Variants in TFPI observed in about 807,000 individuals in gnomAD.
TFPI encodes tissue factor pathway inhibitor.
A neutral mutation model predicts 34.6 loss-of-function variants in TFPI; 15 were observed. The observed-to-expected ratio is 0.43, with a 90% confidence interval of 0.29 to 0.67. The LOEUF is 0.67. Among genes scored for constraint, TFPI ranks in the 30% least tolerant of loss-of-function variants. TFPI has a pLI of 0.15. For missense variants in TFPI, 301 were observed against 364.0 expected (o/e 0.83, Z 1.41); for synonymous variants, 105 against 120.1 (o/e 0.87, Z 0.82).
chr2:187,550,174 G>A (rs991282614), intron 1 of TFPI, among the ~76,000 whole-genome samples: 1 of 152,100 alleles, frequency 6.6e-6, no homozygotes, highest in African/African-American at 2.4e-5. Flanking sequence ...GAGATCTTCA[G>A]ATGGACTTCT....
At chr2:187,546,595 AAG>A (rs1688879531) in intron 1 of TFPI, 1 of 152,142 alleles carries the variant, frequency 6.6e-6, no homozygotes, top group Admixed American at 6.5e-5. Context: ...AGGAAAAAAA[AAG>A]AATAATATAT....
intron 1 of TFPI, among the ~76,000 whole-genome samples, chr2:187,535,942 A>C (rs186983439): frequency 6.6e-6 from 1 of 152,358 alleles, no homozygotes; most frequent in East Asian, 1.9e-4. Flanking sequence ...CCATCAGAGA[A>C]TACTATAAAA....
intron 1 of TFPI, among the ~76,000 whole-genome samples, chr2:187,507,429 T>C (rs1686301949): frequency 6.6e-6 from 1 of 152,166 alleles, no homozygotes; most frequent in African/African-American, 2.4e-5. Flanking sequence ...TGGTTCTAGA[T>C]CCTTGAGGAA....
In TFPI at chr2:187,503,859, A is replaced by AT; in HGVS notation, c.-2-90dup. On this transcript the variant is annotated intron_variant, in intron 1 of 7. Transcript: ENST00000233156. ...AGTAAACATCATATGTGTACCTCAT[A>AT]TGCAAATTTCTATGCCATTTTATGT... 2.1e-6 allele frequency: 3 copies of AT among 1,424,878 alleles called. No homozygotes were observed. The South Asian group carries it at 4.1e-5, about 20-fold the overall frequency. 88.3% of individuals were successfully genotyped at this position (1,424,878 alleles called of 1,614,324 possible). A position where few individuals can be genotyped will look rare whatever the true frequency, so the allele number is the denominator to read the frequency against.
At chr2:187,482,693 G>T (rs1160980005) in intron 6 of TFPI, among the ~76,000 whole-genome samples, 2 of 151,758 alleles carry the variant, frequency 1.3e-5, no homozygotes, top group Non-Finnish European at 2.9e-5. Flanking sequence ...AATTTTTTAA[G>T]ATCTCACATA....
rs1687772288 is a variant in TFPI, at chr2:187,528,153, C to T, written c.-2-24383G>A. 1.3e-5 allele frequency among the ~76,000 whole-genome samples: 2 copies of T among 152,064 alleles called. 1 individual carries two copies. The highest frequency in any genetic ancestry group is 4.1e-4 in the South Asian group (2 of 4,828). On this transcript the variant is annotated intron_variant, in intron 1 of 7. Coordinates refer to ENST00000233156, the MANE Select transcript of TFPI (RefSeq NM_006287.6). The stretch of plus-strand genomic sequence containing the variant: ...ATAAAGTACTTCTACATCACTCTAT[C>T]CACATATATAGGAATCTGGGTTTCA...
chr2:187,505,354 G>T (rs889365310), intron 1 of TFPI, among the ~76,000 whole-genome samples: 1 of 152,070 alleles, frequency 6.6e-6, no homozygotes, highest in African/African-American at 2.4e-5. Flanking sequence ...TTAGACTTTC[G>T]TTGGGTGCTA....
intron 3 of TFPI, 94 bp from the exon 4 acceptor site, chr2:187,488,469 A>G (rs1693454078): frequency 4.1e-6 from 3 of 739,352 alleles, no homozygotes; most frequent in Admixed American, 3.1e-5. Flanking sequence ...CATATTTATT[A>G]CCATTAAAAT....
At chr2:187,499,581 G>A (rs1042180594) in intron 2 of TFPI, 2 of 152,058 alleles carry the variant, frequency 1.3e-5, no homozygotes, top group African/African-American at 4.8e-5. Flanking sequence ...CCTAAGTGGT[G>A]TGTCTGACTT....
At chr2:187,513,404 A>G (rs1157847539) in intron 1 of TFPI, among the ~76,000 whole-genome samples, 1 of 152,244 alleles carries the variant, frequency 6.6e-6, no homozygotes, top group Non-Finnish European at 1.5e-5. Context: ...TAACATTAAT[A>G]ACACACTAAT....
chr2:187,510,263 C>T (rs564539734), intron 1 of TFPI, among the ~76,000 whole-genome samples: 5 of 152,290 alleles, frequency 3.3e-5, no homozygotes, highest in Admixed American at 6.5e-5. Flanking sequence ...CCCTTAGTTA[C>T]GCACTCTACA....
At chr2:187,476,361 TGA>T (rs1024875447) in intron 6 of TFPI, among the ~76,000 whole-genome samples, 19 of 152,298 alleles carry the variant, frequency 1.2e-4, no homozygotes, top group African/African-American at 4.6e-4. Context: ...TATTTATTTA[TGA>T]GAGAGTCTTG....
intron 6 of TFPI, among the ~76,000 whole-genome samples, chr2:187,476,639 C>T (rs1441727847): frequency 6.6e-6 from 1 of 152,090 alleles, no homozygotes; most frequent in African/African-American, 2.4e-5. Context: ...TGCACCCAGC[C>T]ACCATTTTGT....
chr2:187,476,405 T>C (rs1692380926), intron 6 of TFPI, among the ~76,000 whole-genome samples: 1 of 152,088 alleles, frequency 6.6e-6, no homozygotes, highest in African/African-American at 2.4e-5. Context: ...AGTGGCACAA[T>C]TACAGCTCAC....
intron 1 of TFPI, among the ~76,000 whole-genome samples, chr2:187,549,449 G>A (rs1406348060): frequency 6.6e-6 from 1 of 152,122 alleles, no homozygotes; most frequent in African/African-American, 2.4e-5. Context: ...AGTCTGGCAA[G>A]TGGGAAGTAC....
intron 1 of TFPI, chr2:187,516,996 C>A (rs889976107): frequency 6.6e-6 from 1 of 152,200 alleles, no homozygotes; most frequent in African/African-American, 2.4e-5. Flanking sequence ...TGCAAGTCTG[C>A]TGAAGTTCCA....
chr2:187,473,834 G>A (rs1692202442), intron 6 of TFPI, among the ~76,000 whole-genome samples: 1 of 151,496 alleles, frequency 6.6e-6, no homozygotes, highest in Non-Finnish European at 1.5e-5. Context: ...TGTATACTGG[G>A]CCACTTACCT....
rs1018725451 is a variant in TFPI, at chr2:187,464,546, T to C, written c.*2390A>G. The C allele has an allele frequency of 1.3e-5, 2 of 152,170 alleles. No individual in the cohort carries two copies. Among genetic ancestry groups the C allele is most frequent in the African/African-American group, 4.8e-5 (2 of 41,466 alleles). 9.4% of individuals were successfully genotyped at this position (152,170 alleles called of 1,614,324 possible). The stretch of plus-strand genomic sequence containing the variant: ...TAGTGAACCAATGGACCAGTGGTTA[T>C]TGTTGGAGAAAACAATTAGGCAACT... On this transcript the variant is annotated 3_prime_UTR_variant, in exon 8 of 8. Coordinates refer to ENST00000233156, the MANE Select transcript of TFPI (RefSeq NM_006287.6).
At chr2:187,511,820 G>A (rs1426528663) in intron 1 of TFPI, among the ~76,000 whole-genome samples, 1 of 151,536 alleles carries the variant, frequency 6.6e-6, no homozygotes, top group African/African-American at 2.4e-5. Context: ...AAGACCAGCA[G>A]AGAGAGAGAG....
Sources: allele counts gnomAD v4.1 joint callset (sites outside exome capture counted in the v4.1 genomes callset), GRCh38; gene constraint gnomAD v4.1.1; transcripts MANE v1.5; gene names NCBI Gene and HGNC (gene_info 2026-07-23, HGNC 2026-07-21).